The following CREBBP variants were observed in gnomAD, a reference collection of about 807,000 sequenced individuals.
CREBBP encodes CREB-binding protein.
In CREBBP, 19 loss-of-function variants were observed where a neutral mutation model predicts 265.0. The observed-to-expected ratio is 0.07, with a 90% CI of 0.05 to 0.11. CREBBP has a LOEUF of 0.11. Among genes scored for constraint, CREBBP ranks in the 10% least tolerant of loss-of-function variants. The pLI, the probability that CREBBP is intolerant of heterozygous loss-of-function variation, is 1.00. For synonymous variants in CREBBP, 1,457 were observed against 1,223.7 expected, an observed-to-expected ratio of 1.19 and a Z score of -3.98; for missense variants, 2,525 against 3,219.0, an observed-to-expected ratio of 0.78 and a Z score of 5.22.
chr16:3,796,366 G>T (rs1214815701), intron 3 of CREBBP, among the ~76,000 whole-genome samples: 1 of 150,764 alleles, frequency 6.6e-6, no homozygotes, highest in Non-Finnish European at 1.5e-5. Context: ...CAGATGTGTG[G>T]TGCCACCTAA....
intron 1 of CREBBP, among the ~76,000 whole-genome samples, chr16:3,876,399 C>CAAAAAAAAAAAAAAAAAAAAAAAAAA (rs71133663): frequency 5.5e-5 from 1 of 18,154 alleles, no homozygotes; most frequent in Non-Finnish European, 1.1e-4. Flanking sequence ...TAAAGCTGAC[C>CAAAAAAAAAAAAAAAAAAAAAAAAAA]AAAAAAAAAA....
At chr16:3,781,389 A>G in intron 6 of CREBBP, 83 bp from the exon 7 acceptor site, 2 of 1,078,276 alleles carry the variant, frequency 1.9e-6, no homozygotes, top group Non-Finnish European at 2.8e-6. Flanking sequence ...CCAACATGCC[A>G]CCATATAAAC....
chr16:3,851,306 TAA>T (rs1160251196), intron 1 of CREBBP, among the ~76,000 whole-genome samples: 3,461 of 76,434 alleles, frequency 0.045, 132 homozygotes, highest in African/African-American at 0.14. Context: ...AAAAAAAAAT[TAA>T]AAAAAAAAAA....
chr16:3,807,449 TG>T, intron 3 of CREBBP, among the ~76,000 whole-genome samples: 1 of 152,330 alleles, frequency 6.6e-6, no homozygotes, highest in East Asian at 1.9e-4. Context: ...TAGATTTCTT[TG>T]TAAGTGTTTG....
intron 2 of CREBBP, among the ~76,000 whole-genome samples, chr16:3,849,452 T>TGTGTGTGTGTGTGTGTGTG (rs2054772334): frequency 1.3e-5 from 1 of 76,228 alleles, no homozygotes. Flanking sequence ...TGTGTGTGTG[T>TGTGTGTGTGTGTGTGTGTG]GTGTGTGTGT....
intron 2 of CREBBP, among the ~76,000 whole-genome samples, chr16:3,837,415 C>T (rs1277365006): frequency 6.6e-6 from 1 of 152,046 alleles, no homozygotes; most frequent in Non-Finnish European, 1.5e-5. Flanking sequence ...CAAGAGTTTA[C>T]GACCAGCCTG....
chr16:3,822,931 C>T (rs777832344), intron 2 of CREBBP, among the ~76,000 whole-genome samples: 33 of 152,080 alleles, frequency 2.2e-4, no homozygotes, highest in Non-Finnish European at 4.0e-4. Context: ...ACACAGGAAG[C>T]GCCTAGAAAA....
At chr16:3,735,562 C>T (rs546896235) in intron 28 of CREBBP, among the ~76,000 whole-genome samples, 2 of 152,136 alleles carry the variant, frequency 1.3e-5, no homozygotes, top group East Asian at 1.9e-4. Flanking sequence ...TCCCAAAGTG[C>T]GGGGTTACAG....
chr16:3,751,665 G>A, intron 20 of CREBBP, 61 bp downstream of exon 20: 3 of 1,524,350 alleles, frequency 2.0e-6, no homozygotes, highest in Non-Finnish European at 1.8e-6. Context: ...ATTGGTAAGA[G>A]GAAAAAACAA....
chr16:3,859,184 G>T (rs1371752685), intron 1 of CREBBP, among the ~76,000 whole-genome samples: 1 of 151,858 alleles, frequency 6.6e-6, no homozygotes, highest in Non-Finnish European at 1.5e-5. Flanking sequence ...CTCCAAAATA[G>T]AATTTTTATT....
At chr16:3,769,530 T>C (rs1184397893) in intron 14 of CREBBP, among the ~76,000 whole-genome samples, 177 bp from the exon 15 acceptor site, 1 of 152,000 alleles carries the variant, frequency 6.6e-6, no homozygotes, top group Non-Finnish European at 1.5e-5. Flanking sequence ...TAGAGGGAGG[T>C]AACAGCAGCC....
intron 15 of CREBBP, 108 bp downstream of exon 15, chr16:3,769,066 A>G (rs2052933185): frequency 1.2e-5 from 15 of 1,294,308 alleles, no homozygotes; most frequent in Admixed American, 5.3e-5. Flanking sequence ...CAAACAGAAT[A>G]TTTTAACTAA....
intron 5 of CREBBP, among the ~76,000 whole-genome samples, chr16:3,788,706 T>A (rs891637750): frequency 2.6e-5 from 4 of 152,208 alleles, no homozygotes; most frequent in Non-Finnish European, 4.4e-5. Flanking sequence ...ATCCCAGGAC[T>A]TTTGGGAGGT....
intron 2 of CREBBP, among the ~76,000 whole-genome samples, chr16:3,813,737 T>G (rs1050133618): frequency 7.2e-5 from 11 of 152,234 alleles, no homozygotes; most frequent in Admixed American, 7.2e-4. Flanking sequence ...CCAAGCCCAG[T>G]TCTGAGGCTG....
intron 2 of CREBBP, among the ~76,000 whole-genome samples, chr16:3,828,697 A>G (rs1049953960): frequency 5.3e-5 from 8 of 152,228 alleles, no homozygotes; most frequent in African/African-American, 1.9e-4. Flanking sequence ...AAAATGATGC[A>G]GTCGAAAAAA....
At chr16:3,798,321 T>A (rs968295858) in intron 3 of CREBBP, among the ~76,000 whole-genome samples, 3 of 152,280 alleles carry the variant, frequency 2.0e-5, no homozygotes. Flanking sequence ...AAAAATAAAC[T>A]GATTTCATAA....
At chr16:3,868,962 C>T (rs1056860465) in intron 1 of CREBBP, among the ~76,000 whole-genome samples, 1 of 152,184 alleles carries the variant, frequency 6.6e-6, no homozygotes, top group African/African-American at 2.4e-5. Context: ...AGAACCACAC[C>T]TTTAGTCTCC....
chr16:3,843,874 C>G (rs6500554), intron 2 of CREBBP, among the ~76,000 whole-genome samples: 3 of 151,912 alleles, frequency 2.0e-5, no homozygotes, highest in East Asian at 1.9e-4. Flanking sequence ...TTCGGCCGGG[C>G]GCGGTGGCTC....
rs993310982 is a variant in CREBBP at position 3,732,013 on chromosome 16, G to A, written c.4729-76C>T. On this transcript the variant is annotated intron_variant, in intron 28 of 30. Coordinates refer to ENST00000262367, the MANE Select transcript of CREBBP (RefSeq NM_004380.3). The stretch of plus-strand genomic sequence containing the variant: ...GGCACGGACGCCCAGCTCCCAGGCC[G>A]TGGGCATCAGGAAGCTCAGGCCAAA... The A allele has an allele frequency of 4.5e-5, 72 of 1,611,230 alleles. No homozygotes were observed. The Admixed American group carries it at 8.0e-4, about 18-fold the overall frequency.
Sources: gnomAD v4.1 joint callset for allele counts (sites outside exome capture counted in the v4.1 genomes callset) on GRCh38, gnomAD v4.1.1 for gene constraint, MANE v1.5 for transcripts, NCBI Gene and HGNC (gene_info 2026-07-23, HGNC 2026-07-21) for gene names.